Variants in ARHGAP18 observed in about 807,000 individuals in gnomAD.
ARHGAP18 encodes the protein Rho GTPase activating protein 18.
Under a neutral mutation model 86.2 loss-of-function variants are expected in ARHGAP18, and 67 were observed. The ratio of observed to expected loss-of-function variants is 0.78; its 90% CI spans 0.64 to 0.95. The LOEUF (loss-of-function observed/expected upper bound fraction) is 0.95. ARHGAP18 is among the 40% of genes least tolerant of loss of function. The pLI is 0.00. For synonymous variants in ARHGAP18, 283 were observed against 280.4 expected, an observed-to-expected ratio of 1.01 and a Z score of -0.09; for missense variants, 691 against 780.4, an observed-to-expected ratio of 0.89 and a Z score of 1.37.
intron 1 of ARHGAP18, among the ~76,000 whole-genome samples, chr6:129,643,950 A>C (rs1359901714): frequency 6.6e-6 from 1 of 152,228 alleles, no homozygotes; most frequent in East Asian, 1.9e-4. Flanking sequence ...AGTATAACTG[A>C]GCACTTAGCT....
At chr6:129,634,161 G>A in intron 3 of ARHGAP18, 56 bp from the exon 4 acceptor site, 1 of 1,467,008 alleles carries the variant, frequency 6.8e-7, no homozygotes, top group Non-Finnish European at 9.5e-7. Flanking sequence ...AGAGAAAATG[G>A]TACTGTAAAT....
intron 9 of ARHGAP18, among the ~76,000 whole-genome samples, chr6:129,607,450 A>G (rs17057513): frequency 0.013 from 1,912 of 152,234 alleles, 33 homozygotes; most frequent in African/African-American, 0.044. Flanking sequence ...CAACCTCAGA[A>G]TTTAATTTTT....
intron 1 of ARHGAP18, among the ~76,000 whole-genome samples, chr6:129,687,925 C>T (rs1774458186): frequency 6.6e-6 from 1 of 152,044 alleles, no homozygotes; most frequent in East Asian, 1.9e-4. Context: ...AGATACAAAA[C>T]CATGCCATCT....
intron 1 of ARHGAP18, among the ~76,000 whole-genome samples, chr6:129,670,056 A>G (rs1358354128): frequency 6.6e-6 from 1 of 152,226 alleles, no homozygotes; most frequent in Non-Finnish European, 1.5e-5. Context: ...TATACTTTGT[A>G]TAATTTTTCT....
intron 1 of ARHGAP18, among the ~76,000 whole-genome samples, chr6:129,647,672 GT>G (rs1412210969): frequency 6.8e-6 from 1 of 147,672 alleles, no homozygotes. Flanking sequence ...GTTTTAATGT[GT>G]AAAAAAAAAA....
chr6:129,614,177 G>A lies in ARHGAP18; in HGVS notation c.1044+2035C>T, dbSNP rs145814791. 2.9e-3 allele frequency among the ~76,000 whole-genome samples: 446 copies of A among 152,138 alleles called. 3 individuals are homozygous for A. In the East Asian group the frequency reaches 0.042, roughly 14 times the overall value. The stretch of plus-strand genomic sequence containing the variant: ...GATAAGCTTTGTTAGTGTCCTTTTC[G>A]GGTATATAAGCTCAAAAATTAAATT... On this transcript the variant is annotated intron_variant, in intron 7 of 14. Transcript: ENST00000368149.
intron 1 of ARHGAP18, chr6:129,661,816 A>G: frequency 5.2e-6 from 5 of 963,356 alleles, no homozygotes; most frequent in Non-Finnish European, 4.9e-6. Flanking sequence ...CCCTCAGCCC[A>G]TCCCAGTCTC....
chr6:129,635,734 G>A (rs1773318100), intron 3 of ARHGAP18, among the ~76,000 whole-genome samples: 2 of 152,346 alleles, frequency 1.3e-5, no homozygotes, highest in Non-Finnish European at 2.9e-5. Flanking sequence ...GCTGGCCCAA[G>A]TTTGCTTGAG....
Position 129,698,311 on chromosome 6 carries a change from T to G in ARHGAP18, c.113+11713A>C, listed in dbSNP as rs374902257. On this transcript the variant is annotated intron_variant, in intron 1 of 14. Transcript: ENST00000368149. Reference sequence around the variant, plus strand: ...CCATGTTTACATGTCCTTAAAGCCTTTCTGAGTTACCCAAATCTCTAAATA... The same window carrying G: ...CCATGTTTACATGTCCTTAAAGCCTGTCTGAGTTACCCAAATCTCTAAATA... Among the ~76,000 whole-genome samples the G allele has an allele frequency of 3.1e-4, 47 of 152,284 alleles. No homozygotes were observed. In the South Asian group the frequency reaches 9.3e-3, roughly 30 times the overall value.
chr6:129,626,756 T>C (rs1789484266), intron 5 of ARHGAP18, among the ~76,000 whole-genome samples: 2 of 151,934 alleles, frequency 1.3e-5, no homozygotes, highest in Non-Finnish European at 2.9e-5. Context: ...ATCATATTGT[T>C]GATGGTAGTA....
intron 1 of ARHGAP18, among the ~76,000 whole-genome samples, chr6:129,686,973 T>C (rs2326859): frequency 0.48 from 54,797 of 113,882 alleles, 10,190 homozygotes; most frequent in Admixed American, 0.55. Context: ...TTTTCTTTTT[T>C]TTTTCTTTTT....
chr6:129,642,107 T>C (rs1333418335), intron 1 of ARHGAP18, 89 bp from the exon 2 acceptor site: 5 of 1,142,834 alleles, frequency 4.4e-6, no homozygotes, highest in Non-Finnish European at 6.5e-6. Flanking sequence ...CTGGAGAATT[T>C]ATTAACTCCT....
At chr6:129,580,398 A>G (rs1788264049) in intron 13 of ARHGAP18, among the ~76,000 whole-genome samples, 1 of 152,226 alleles carries the variant, frequency 6.6e-6, no homozygotes, top group Non-Finnish European at 1.5e-5. Context: ...ATTCAAAAGA[A>G]AAGTTAATGT....
chr6:129,608,197 C>A, intron 8 of ARHGAP18, 145 bp from the exon 9 acceptor site: 171 of 913,816 alleles, frequency 1.9e-4, no homozygotes, highest in East Asian at 3.3e-4. Flanking sequence ...GTCAATATTT[C>A]TTTTACTCAG....
At chr6:129,696,968 C>T (rs930152794) in intron 1 of ARHGAP18, among the ~76,000 whole-genome samples, 3 of 152,158 alleles carry the variant, frequency 2.0e-5, no homozygotes, top group Admixed American at 1.3e-4. Context: ...TCCATCCTCT[C>T]GAATCTAGGT....
At chr6:129,618,199 G>A (rs1327258622) in intron 6 of ARHGAP18, among the ~76,000 whole-genome samples, 4 of 151,934 alleles carry the variant, frequency 2.6e-5, no homozygotes, top group Non-Finnish European at 5.9e-5. Flanking sequence ...TCTTAATAGG[G>A]GAAAGAATGT....
intron 1 of ARHGAP18, among the ~76,000 whole-genome samples, chr6:129,668,401 G>C (rs111570249): frequency 0.14 from 11,508 of 84,586 alleles, 699 homozygotes; most frequent in East Asian, 0.36. Flanking sequence ...CACACACACA[G>C]ACACACACAC....
At chr6:129,701,492 C>T (rs1327581308) in intron 1 of ARHGAP18, among the ~76,000 whole-genome samples, 3 of 152,198 alleles carry the variant, frequency 2.0e-5, no homozygotes, top group Non-Finnish European at 4.4e-5. Flanking sequence ...GAAATTAAGG[C>T]CGGGCGCGGT....
intron 1 of ARHGAP18, among the ~76,000 whole-genome samples, chr6:129,667,316 A>T (rs2114524156): frequency 1.3e-5 from 2 of 152,302 alleles, no homozygotes; most frequent in South Asian, 4.1e-4. Context: ...AGGGATAGAT[A>T]GAATTGAACT....
Sources: gnomAD v4.1 joint callset for allele counts (sites outside exome capture counted in the v4.1 genomes callset) on GRCh38, gnomAD v4.1.1 for gene constraint, MANE v1.5 for transcripts, NCBI Gene and HGNC (gene_info 2026-07-23, HGNC 2026-07-21) for gene names.